The following NTNG2 variants were observed in gnomAD, a reference collection of about 807,000 sequenced individuals.
NTNG2 encodes the protein netrin G2.
Under a neutral mutation model 47.6 loss-of-function variants are expected in NTNG2, and 15 were observed. The observed-to-expected ratio is 0.32, with a 90% CI of 0.21 to 0.49. The LOEUF (loss-of-function observed/expected upper bound fraction) is 0.49, where lower values mean the gene tolerates loss of function less well. NTNG2 is among the 20% of genes least tolerant of loss of function. NTNG2 has a pLI of 0.99. For synonymous variants in NTNG2, 307 were observed against 324.6 expected, an observed-to-expected ratio of 0.95 and a Z score of 0.58; for missense variants, 578 against 764.6, an observed-to-expected ratio of 0.76 and a Z score of 2.88.
At chr9:132,175,746 C>T (rs1340859450) in intron 2 of NTNG2, among the ~76,000 whole-genome samples, 1 of 152,178 alleles carries the variant, frequency 6.6e-6, no homozygotes, top group Admixed American at 6.5e-5. Context: ...AGTCAGAGTG[C>T]TAGGCCCTGG....
chr9:132,185,527 G>A (rs1391368678), intron 2 of NTNG2, among the ~76,000 whole-genome samples: 1 of 152,118 alleles, frequency 6.6e-6, no homozygotes. Context: ...CTCTGCACAA[G>A]CTTTTAAAGA....
At chr9:132,175,550 GAACAGGAGA>G (rs920735651) in intron 2 of NTNG2, among the ~76,000 whole-genome samples, 1 of 152,234 alleles carries the variant, frequency 6.6e-6, no homozygotes, top group Non-Finnish European at 1.5e-5. Flanking sequence ...GGGCCATGAG[GAACAGGAGA>G]AACGGCAGAT....
At chr9:132,220,267 C>A (rs1390226529) in intron 3 of NTNG2, among the ~76,000 whole-genome samples, 1 of 152,154 alleles carries the variant, frequency 6.6e-6, no homozygotes, top group East Asian at 1.9e-4. Flanking sequence ...TCATGACTTG[C>A]AAATTTTTCT....
At chr9:132,227,789 G>A (rs558160702) in intron 4 of NTNG2, among the ~76,000 whole-genome samples, 28 of 152,310 alleles carry the variant, frequency 1.8e-4, no homozygotes, top group Admixed American at 1.1e-3. Flanking sequence ...CCACCCGGGC[G>A]CGCTAGCGTA....
intron 6 of NTNG2, 35 bp downstream of exon 6, chr9:132,239,306 T>G: frequency 6.2e-7 from 1 of 1,610,816 alleles, no homozygotes; most frequent in Non-Finnish European, 8.5e-7. Flanking sequence ...GGGAACTTGC[T>G]GGAATGCGTG....
At chr9:132,222,732 G>A (rs945320816) in intron 3 of NTNG2, among the ~76,000 whole-genome samples, 2 of 152,084 alleles carry the variant, frequency 1.3e-5, no homozygotes, top group African/African-American at 4.8e-5. Flanking sequence ...TCCTCCTCCT[G>A]GGAGGAAAGG....
chr9:132,241,538 A>G, intron 7 of NTNG2: 1 of 362,936 alleles, frequency 2.8e-6, no homozygotes, highest in Non-Finnish European at 5.0e-6. Flanking sequence ...GAGGCTGTCC[A>G]AGTCGGCGTT....
rs1344364074 is a variant in NTNG2, at chr9:132,162,899, C to T, written c.-484+660C>T. Among the ~76,000 whole-genome samples the T allele has an allele frequency of 2.0e-5, 3 of 151,978 alleles. No individual in the cohort carries two copies. The East Asian group carries it at 5.8e-4, about 30-fold the overall frequency. ...GAGTCGAACCTGGAACTGAGCGGCG[C>T]GCAGGTGGGGGGAGCAGAGGCGGCG... On this transcript the variant is annotated intron_variant, in intron 1 of 7. Coordinates refer to ENST00000393229, the MANE Select transcript of NTNG2 (RefSeq NM_032536.4). This position sits in a 1 kb window ranked among gnomAD's most constrained non-coding sequence, Gnocchi z 4.6.
chr9:132,173,506 G>A lies in NTNG2; in HGVS notation c.213+6462G>A, dbSNP rs778862200. On this transcript the variant is annotated intron_variant, in intron 2 of 7. Coordinates refer to ENST00000393229, the MANE Select transcript of NTNG2 (RefSeq NM_032536.4). ...AGACCCCCAGACCTTTCCGGTCTGC[G>A]CATCCCCACCTTCCCAGGCTGTCTT... Among the ~76,000 whole-genome samples, 3 of 152,322 alleles carry A rather than the reference G, an allele frequency of 2.0e-5. No individual in the cohort carries two copies. In the East Asian group the frequency reaches 5.8e-4, roughly 29 times the overall value.
At position 132,166,734 on chromosome 9, in the gene NTNG2, A is replaced by G; in HGVS notation, c.-98A>G. On this transcript the variant is annotated 5_prime_UTR_variant, in exon 2 of 8. Coordinates refer to ENST00000393229, the MANE Select transcript of NTNG2 (RefSeq NM_032536.4). The stretch of plus-strand genomic sequence containing the variant: ...GACACCCCGGCCACCCTCGCCTGGT[A>G]GATGTGGCATTTCCATGCTGAGGCC... The G allele has an allele frequency of 1.8e-6, 2 of 1,122,768 alleles. No homozygotes were observed. Among genetic ancestry groups the G allele is most frequent in the Non-Finnish European group, 2.7e-6 (2 of 748,270 alleles). 69.6% of individuals were successfully genotyped at this position (1,122,768 alleles called of 1,614,324 possible).
Position 132,231,153 on chromosome 9 carries a change from G to A in NTNG2, c.1054+558G>A. The A allele has an allele frequency of 2.6e-6, 1 of 381,016 alleles. No individual in the cohort carries two copies. Among genetic ancestry groups the A allele is most frequent in the Non-Finnish European group, 5.3e-6 (1 of 190,434 alleles). The allele number at this position is 381,016 out of a possible 1,614,324, so 23.6% of individuals were successfully genotyped here. ...CTCAGGTCCCAGGGGAGTCGGACCA[G>A]GGAGGGGCATCTGCAGGAGGTGGGG... On this transcript the variant is annotated intron_variant, in intron 5 of 7. Coordinates refer to ENST00000393229, the MANE Select transcript of NTNG2 (RefSeq NM_032536.4). This position sits in a 1 kb window ranked among gnomAD's most constrained non-coding sequence, Gnocchi z 4.1.
In NTNG2 at chr9:132,236,959, G is replaced by A. The variant is rs1444114538; in HGVS notation, c.1055-2145G>A. 1.3e-5 allele frequency among the ~76,000 whole-genome samples: 2 copies of A among 152,244 alleles called. No individual in the cohort carries two copies. The highest frequency in any genetic ancestry group is 4.8e-5 in the African/African-American group (2 of 41,460). ...AGATGCCAAAGTCCTTAAATGCCAA[G>A]TTTAGTCTCTGGGTTTGATGCTCCA... is the stretch of plus-strand genomic sequence containing the variant. On this transcript the variant is annotated intron_variant, in intron 5 of 7. Coordinates refer to ENST00000393229, the MANE Select transcript of NTNG2 (RefSeq NM_032536.4). The surrounding 1 kb of genome is among the most constrained non-coding windows in gnomAD (Gnocchi z 4.3).
intron 2 of NTNG2, among the ~76,000 whole-genome samples, chr9:132,193,868 G>A (rs938252570): frequency 1.3e-5 from 2 of 152,156 alleles, no homozygotes; most frequent in Non-Finnish European, 2.9e-5. Flanking sequence ...GGTTTCTGGA[G>A]AGGCCTCTCT....
At chr9:132,203,279 G>A (rs1838921256) in intron 3 of NTNG2, among the ~76,000 whole-genome samples, 1 of 152,120 alleles carries the variant, frequency 6.6e-6, no homozygotes, top group African/African-American at 2.4e-5. Flanking sequence ...GGTTGAGGCT[G>A]CAGTGAGTTA....
rs1839877320 is a variant in NTNG2, at chr9:132,215,086, GGGT to G, written c.858-11762_858-11760del. Among the ~76,000 whole-genome samples the G allele has an allele frequency of 6.7e-6, 1 of 148,722 alleles. No individual in the cohort carries two copies. Among genetic ancestry groups the G allele is most frequent in the Non-Finnish European group, 1.5e-5 (1 of 67,158 alleles). ...ATTTTTTTGTAGAGATTGGGGGGGG[GGGT>G]CTCACTTTCTTGCCCAGGCTGGTCT... On this transcript the variant is annotated intron_variant, in intron 3 of 7. Coordinates refer to ENST00000393229, the MANE Select transcript of NTNG2 (RefSeq NM_032536.4). The surrounding 1 kb of genome is among the most constrained non-coding windows in gnomAD (Gnocchi z 4.2).
At chr9:132,217,003 G>C (rs751527314) in intron 3 of NTNG2, among the ~76,000 whole-genome samples, 1 of 152,190 alleles carries the variant, frequency 6.6e-6, no homozygotes, top group Non-Finnish European at 1.5e-5. Context: ...TGGAATGGAC[G>C]CGAAGCCAGC....
intron 2 of NTNG2, among the ~76,000 whole-genome samples, chr9:132,196,344 C>A (rs1838315272): frequency 6.6e-6 from 1 of 152,308 alleles, no homozygotes; most frequent in Admixed American, 6.5e-5. Context: ...GCATGCACCA[C>A]CACGCCCGGG....
rs769881263 is a variant in NTNG2, at chr9:132,241,044, C to A, written c.1357C>A (p.Pro453Thr). 3 of 1,595,498 alleles carry A rather than the reference C, an allele frequency of 1.9e-6. No individual in the cohort carries two copies. Among genetic ancestry groups the A allele is most frequent in the Admixed American group, 1.7e-5 (1 of 59,066 alleles). The change falls in exon 7 of 8, where the codon CCC (proline) becomes ACC (threonine). Residue 453 changes from proline to threonine, a missense_variant and splice_region_variant. Physicochemically the swap from Pro to Thr is conservative, Grantham distance 38. Coordinates refer to ENST00000393229, the MANE Select transcript of NTNG2 (RefSeq NM_032536.4). ...PTHYWRQGCY[P>T]NVCDDDQLLC... Reference sequence around the variant, plus strand: ...GCACTACTGGCGCCAGGGCTGCTACCGTGAGTGCGCGCCGTCCCCCGTGGG... The same window carrying A: ...GCACTACTGGCGCCAGGGCTGCTACAGTGAGTGCGCGCCGTCCCCCGTGGG...
chr9:132,214,136 G>C lies in NTNG2; in HGVS notation c.858-12713G>C, dbSNP rs373791646. Among the ~76,000 whole-genome samples, 49 of 152,308 alleles carry C rather than the reference G, an allele frequency of 3.2e-4. No homozygotes were observed. In the East Asian group the frequency reaches 7.7e-3, roughly 24 times the overall value. Reference sequence around the variant, plus strand: ...CTCACCCAAACTCACCGCTTCCTCCGTCATTCCCCGCAAGGAGTGGATGAC... The same window carrying C: ...CTCACCCAAACTCACCGCTTCCTCCCTCATTCCCCGCAAGGAGTGGATGAC... On this transcript the variant is annotated intron_variant, in intron 3 of 7. Coordinates refer to ENST00000393229, the MANE Select transcript of NTNG2 (RefSeq NM_032536.4).
Sources: gnomAD v4.1 joint callset for allele counts (sites outside exome capture counted in the v4.1 genomes callset) on GRCh38, gnomAD v4.1.1 for gene constraint, Gnocchi (gnomAD v3.1) non-coding constraint, MANE v1.5 for transcripts, NCBI Gene and HGNC (gene_info 2026-07-23, HGNC 2026-07-21) for gene names.